The following TRPM2 variants were observed in gnomAD, a reference collection of about 807,000 sequenced individuals.
TRPM2 encodes estrogen-responsive element-associated gene 1 protein.
A neutral mutation model predicts 174.0 loss-of-function variants in TRPM2; 161 were observed. That is an observed-to-expected ratio of 0.93 (90% CI 0.81 to 1.05). The LOEUF is 1.05. Ranked by LOEUF, TRPM2 falls within the 50% of genes least tolerant of loss-of-function variation. The probability of loss-of-function intolerance (pLI) is 0.00; values close to 1 mark genes in which losing one functional copy is unlikely to be tolerated. For missense variants in TRPM2, 2,057 were observed against 2,038.0 expected, an observed-to-expected ratio of 1.01 and a Z score of -0.18; for synonymous variants, 954 against 861.3, an observed-to-expected ratio of 1.11 and a Z score of -1.88.
Position 44,366,964 on chromosome 21 carries a change from C to G in TRPM2, c.604+30C>G, listed in dbSNP as rs1002699163. The G allele has an allele frequency of 6.5e-7, 1 of 1,547,458 alleles. No homozygotes were observed. The highest frequency in any genetic ancestry group is 1.9e-5 in the Admixed American group (1 of 53,348). On this transcript the variant is annotated intron_variant, in intron 4 of 31. Coordinates refer to ENST00000397928, the MANE Select transcript of TRPM2 (RefSeq NM_003307.4). This position sits in a 1 kb window ranked among gnomAD's most constrained non-coding sequence, Gnocchi z 6.0. ...CTCGGAGGCTGGAGGGACACGAGGC[C>G]CCGGCGGGTGGGGTGGGCTGTGGAG...
At chr21:44,419,752 A>T (rs1391308144) in intron 22 of TRPM2, among the ~76,000 whole-genome samples, 9 of 106,562 alleles carry the variant, frequency 8.4e-5, no homozygotes, top group African/African-American at 3.2e-4. Flanking sequence ...GATGGTGATG[A>T]TGGCAGTGGT....
chr21:44,371,075 G>A (rs939924594), intron 5 of TRPM2, among the ~76,000 whole-genome samples: 7 of 152,344 alleles, frequency 4.6e-5, no homozygotes, highest in East Asian at 1.9e-4. Context: ...TCTGGAATCC[G>A]CGTCGATTGG....
intron 19 of TRPM2, among the ~76,000 whole-genome samples, chr21:44,409,191 T>C (rs959459760): frequency 1.3e-5 from 2 of 152,184 alleles, no homozygotes; most frequent in African/African-American, 4.8e-5. Context: ...ATTGTGCTTT[T>C]GGTGTCCTAG....
chr21:44,361,927 T>A (rs2048219678), intron 2 of TRPM2, among the ~76,000 whole-genome samples: 1 of 152,234 alleles, frequency 6.6e-6, no homozygotes. Context: ...CAGGCTGGTC[T>A]CAAGCTCCTG....
chr21:44,435,252 C>T (rs746997398), intron 28 of TRPM2, 35 bp downstream of exon 28: 1 of 1,597,674 alleles, frequency 6.3e-7, no homozygotes, highest in South Asian at 1.1e-5. Context: ...AGCACCTCAG[C>T]AAGGCGGTCA....
At chr21:44,359,722 T>C (rs1170595669) in intron 2 of TRPM2, among the ~76,000 whole-genome samples, 1 of 149,284 alleles carries the variant, frequency 6.7e-6, no homozygotes, top group Admixed American at 6.7e-5. Flanking sequence ...CTCATCTGTG[T>C]ATATATATAC....
chr21:44,393,499 G>A (rs950921662), intron 11 of TRPM2, among the ~76,000 whole-genome samples: 32 of 152,054 alleles, frequency 2.1e-4, no homozygotes, highest in African/African-American at 7.5e-4. Context: ...GTTTTATTTG[G>A]GGGGCTATAT....
rs966399822 is a variant in TRPM2 at position 44,422,344 on chromosome 21, T to C, written c.3462-1301T>C. On this transcript the variant is annotated intron_variant, in intron 22 of 31. Coordinates refer to ENST00000397928, the MANE Select transcript of TRPM2 (RefSeq NM_003307.4). ...AGACAGTTCCTGCATCTCACGGTGG[T>C]GGAATCACGCGGGTCCGAGAAGGCT... 9 of 1,536,016 alleles carry C rather than the reference T, an allele frequency of 5.9e-6. No individual in the cohort carries two copies. The East Asian group carries it at 1.5e-4, about 25-fold the overall frequency.
Position 44,442,072 on chromosome 21 carries a change from C to T in TRPM2, c.*255C>T. 1 of 424,384 alleles carries T rather than the reference C, an allele frequency of 2.4e-6. No individual in the cohort carries two copies. Among genetic ancestry groups the T allele is most frequent in the South Asian group, 9.1e-5 (1 of 10,956 alleles). 26.3% of individuals were successfully genotyped at this position (424,384 alleles called of 1,614,324 possible). A position where few individuals can be genotyped will look rare whatever the true frequency, so the allele number is the denominator to read the frequency against. On this transcript the variant is annotated 3_prime_UTR_variant, in exon 32 of 32. Coordinates refer to ENST00000397928, the MANE Select transcript of TRPM2 (RefSeq NM_003307.4). ...TCAGAGCTGAGGGGCCCCTGGGACC[C>T]TTGGCCATCAGGCGAGGGGCTGGGC...
intron 27 of TRPM2, among the ~76,000 whole-genome samples, chr21:44,428,016 C>G (rs2050869217): frequency 6.6e-6 from 1 of 152,156 alleles, no homozygotes. Context: ...AGCACCTGCT[C>G]TCACGGGTGG....
chr21:44,405,745 A>G (rs1010517527), intron 17 of TRPM2, among the ~76,000 whole-genome samples, 160 bp from the exon 18 acceptor site: 4 of 152,040 alleles, frequency 2.6e-5, no homozygotes, highest in Non-Finnish European at 5.9e-5. Flanking sequence ...CTATTCCTCA[A>G]TCTCATGCCA....
At chr21:44,398,742 C>T (rs545728535) in intron 13 of TRPM2, among the ~76,000 whole-genome samples, 10 of 152,272 alleles carry the variant, frequency 6.6e-5, no homozygotes, top group Admixed American at 6.5e-4. Flanking sequence ...AGAATGCAGG[C>T]TTTCAAAATA....
At position 44,382,879 on chromosome 21, in the gene TRPM2, C is replaced by T. The variant is rs540344440; in HGVS notation, c.1318+59C>T. ...GAGGCCAGAACGTGAGCTCTGAGGACGCCAAGTTCTAGTCTTGAAGTGCCA... is the reference window on the plus strand; with the variant it reads ...GAGGCCAGAACGTGAGCTCTGAGGATGCCAAGTTCTAGTCTTGAAGTGCCA... On this transcript the variant is annotated intron_variant, in intron 9 of 31. Transcript: ENST00000397928. 235 of 1,462,088 alleles carry T rather than the reference C, an allele frequency of 1.6e-4. No individual in the cohort carries two copies. The African/African-American group carries it at 2.6e-3, about 16-fold the overall frequency. 90.6% of individuals were successfully genotyped at this position (1,462,088 alleles called of 1,614,324 possible). A position where few individuals can be genotyped will look rare whatever the true frequency, so the allele number is the denominator to read the frequency against.
rs1470805684 is a variant in TRPM2 at position 44,391,464 on chromosome 21, G to C, written c.1633G>C (p.Glu545Gln). ...GCAGAAGGTGCTGGTGGAGGATCCC[G>C]AGCGCCCGGCTTGCGCGCCCGCGGC... ...KLQKVLVEDP[E>Q]RPACAPAAPR... is the part of the protein sequence containing the mutation. The change falls in exon 11 of 32, where the codon GAG (glutamate) becomes CAG (glutamine). Residue 545 changes from glutamate to glutamine, a missense_variant. Glu to Gln is a conservative substitution (Grantham distance 29). Coordinates refer to ENST00000397928, the MANE Select transcript of TRPM2 (RefSeq NM_003307.4). This position sits in a 1 kb window ranked among gnomAD's most constrained non-coding sequence, Gnocchi z 5.0. The C allele has an allele frequency of 5.6e-6, 9 of 1,612,552 alleles. No individual in the cohort carries two copies. The East Asian group carries it at 1.6e-4, about 28-fold the overall frequency.
At chr21:44,404,586 G>C (rs927469498) in intron 16 of TRPM2, among the ~76,000 whole-genome samples, 1 of 152,180 alleles carries the variant, frequency 6.6e-6, no homozygotes, top group African/African-American at 2.4e-5. Context: ...ACCAATGTTC[G>C]GATTTGCTGA....
At chr21:44,430,904 A>ATATG (rs59159074) in intron 27 of TRPM2, among the ~76,000 whole-genome samples, 2 of 149,950 alleles carry the variant, frequency 1.3e-5, no homozygotes, top group South Asian at 4.2e-4. Flanking sequence ...GATTTAAAAA[A>ATATG]TAATATAAAT....
rs1422272757 is a variant in TRPM2 at position 44,376,362 on chromosome 21, G to C, written c.952+349G>C. ...TTTTAGCCAGTGGGAGGGCGGTCTGGGGGGCTGGCAGCTCACCTGTGTGCT... is the reference window on the plus strand; with the variant it reads ...TTTTAGCCAGTGGGAGGGCGGTCTGCGGGGCTGGCAGCTCACCTGTGTGCT... On this transcript the variant is annotated intron_variant, in intron 6 of 31. Transcript: ENST00000397928. The surrounding 1 kb of genome is among the most constrained non-coding windows in gnomAD (Gnocchi z 4.2). Among the ~76,000 whole-genome samples, 1 of 152,172 alleles carries C rather than the reference G, an allele frequency of 6.6e-6. No individual in the cohort carries two copies. The highest frequency in any genetic ancestry group is 1.5e-5 in the Non-Finnish European group (1 of 68,024).
In TRPM2 at chr21:44,425,730, A is replaced by G. The variant is rs1279502654; in HGVS notation, c.3698A>G (p.Glu1233Gly). The G allele has an allele frequency of 2.5e-6, 4 of 1,579,490 alleles. No individual in the cohort carries two copies. The highest frequency in any genetic ancestry group is 1.8e-5 in the Admixed American group (1 of 56,508). ...AEPGGRKKTE[E>G]PGDSYHVNAR... ...CCGGGAGGCAGGAAGAAGACGGAGG[A>G]GCCGGGCGACAGCTACCACGTGAAT... The change falls in exon 25 of 32, where the codon GAG (glutamate) becomes GGG (glycine). Residue 1233 changes from glutamate to glycine, a missense_variant. Transcript: ENST00000397928.
intron 19 of TRPM2, among the ~76,000 whole-genome samples, chr21:44,410,425 T>G (rs2050067247): frequency 1.3e-5 from 1 of 78,814 alleles, no homozygotes; most frequent in African/African-American, 4.0e-5. Flanking sequence ...CTCTCTTGGT[T>G]GGCATAGCCT....
Sources: allele counts gnomAD v4.1 joint callset (sites outside exome capture counted in the v4.1 genomes callset), GRCh38; gene constraint gnomAD v4.1.1; non-coding constraint Gnocchi (gnomAD v3.1); transcripts MANE v1.5; gene names NCBI Gene and HGNC (gene_info 2026-07-23, HGNC 2026-07-21).